Variants in KIT observed in about 807,000 individuals in gnomAD.
KIT encodes the protein mast/stem cell growth factor receptor Kit.
Under a neutral mutation model 105.7 loss-of-function variants are expected in KIT, and 16 were observed. The observed-to-expected ratio is 0.15, with a 90% CI of 0.10 to 0.23. KIT has a LOEUF of 0.23. KIT is among the 10% of genes least tolerant of loss of function. The pLI is 1.00. For missense variants in KIT, 858 were observed against 1,213.8 expected, an observed-to-expected ratio of 0.71 and a Z score of 4.36; for synonymous variants, 438 against 441.1, an observed-to-expected ratio of 0.99 and a Z score of 0.09.
In KIT at chr4:54,725,956, A is replaced by G. The variant is rs755386780; in HGVS notation, c.1446A>G (p.Ala482=). The G allele has an allele frequency of 6.2e-7, 1 of 1,614,186 alleles. No homozygotes were observed. The highest frequency in any genetic ancestry group is 8.5e-7 in the Non-Finnish European group (1 of 1,180,014). Reference sequence around the variant, plus strand: ...TTCAGAGTTCTATAGATTCTAGTGCATTCAAGCACAATGGCACGGTTGAAT... The same window carrying G: ...TTCAGAGTTCTATAGATTCTAGTGCGTTCAAGCACAATGGCACGGTTGAAT... ...LVVQSSIDSS[A]FKHNGTVECK... Residue 482 remains alanine (A), a synonymous_variant, in exon 9 of 21, where the codon GCA becomes GCG. Transcript: ENST00000288135.
chr4:54,709,158 A>C (rs1240989156), intron 6 of KIT, among the ~76,000 whole-genome samples: 2 of 152,010 alleles, frequency 1.3e-5, no homozygotes, highest in Non-Finnish European at 2.9e-5. Flanking sequence ...GCGGTGGGCC[A>C]GTGGAGAGGC....
intron 1 of KIT, among the ~76,000 whole-genome samples, chr4:54,680,450 G>A (rs1002753069): frequency 2.0e-5 from 3 of 147,314 alleles, no homozygotes; most frequent in African/African-American, 7.7e-5. Flanking sequence ...AGAATGCAGT[G>A]GCATGATCTC....
Position 54,734,885 on chromosome 4 carries a change from C to T in KIT, c.2485-1613C>T, listed in dbSNP as rs769390382. Among the ~76,000 whole-genome samples, 10 of 152,012 alleles carry T rather than the reference C, an allele frequency of 6.6e-5. No homozygotes were observed. The East Asian group carries it at 1.3e-3, about 21-fold the overall frequency. On this transcript the variant is annotated intron_variant, in intron 17 of 20. Coordinates refer to ENST00000288135, the MANE Select transcript of KIT (RefSeq NM_000222.3). ...GGAATACCAAGGAAAACAGTTAAAT[C>T]GAAATAGCTATGAAGATACTAAGTA...
At chr4:54,672,992 G>C (rs1207698112) in intron 1 of KIT, among the ~76,000 whole-genome samples, 1 of 152,154 alleles carries the variant, frequency 6.6e-6, no homozygotes, top group Non-Finnish European at 1.5e-5. Flanking sequence ...TTGCCATAAA[G>C]TGGCGTCAAA....
intron 7 of KIT, among the ~76,000 whole-genome samples, chr4:54,718,802 G>T (rs1721661797): frequency 6.6e-6 from 1 of 152,134 alleles, no homozygotes; most frequent in Non-Finnish European, 1.5e-5. Flanking sequence ...TTCTGTTAGT[G>T]TCCATATGCC....
chr4:54,697,090 CTG>C (rs1560394578), intron 2 of KIT, among the ~76,000 whole-genome samples: 1 of 152,182 alleles, frequency 6.6e-6, no homozygotes, highest in African/African-American at 2.4e-5. Context: ...TAAGTAATCT[CTG>C]TTACAGCAAT....
chr4:54,703,633 TTGC>T (rs1720592628), intron 4 of KIT, 88 bp from the exon 5 acceptor site: 4 of 1,037,164 alleles, frequency 3.9e-6, no homozygotes, highest in Admixed American at 2.0e-5. Context: ...GAGAAGTTAA[TTGC>T]TGCTATTTTT....
At chr4:54,670,128 G>A (rs748718161) in intron 1 of KIT, among the ~76,000 whole-genome samples, 3 of 152,100 alleles carry the variant, frequency 2.0e-5, no homozygotes, top group Non-Finnish European at 4.4e-5. Flanking sequence ...TTCACTTTCA[G>A]GACCTTTGGA....
intron 19 of KIT, 122 bp downstream of exon 19, chr4:54,736,942 T>TA: frequency 1.3e-6 from 1 of 777,286 alleles, no homozygotes; most frequent in South Asian, 1.5e-5. Context: ...GGATTCTTTA[T>TA]GACACACTGG....
chr4:54,699,858 A>T (rs1720343326), intron 4 of KIT, 92 bp downstream of exon 4: 1 of 1,382,102 alleles, frequency 7.2e-7, no homozygotes, highest in African/African-American at 1.4e-5. Context: ...AACTGCCTCG[A>T]CTAGTGCGTC....
intron 6 of KIT, among the ~76,000 whole-genome samples, chr4:54,708,577 G>A (rs1720936163): frequency 6.6e-6 from 1 of 152,156 alleles, no homozygotes; most frequent in Admixed American, 6.5e-5. Flanking sequence ...GCAAGTGTTT[G>A]GGGGCATGAA....
chr4:54,708,809 C>T (rs1720956310), intron 6 of KIT, among the ~76,000 whole-genome samples: 1 of 152,082 alleles, frequency 6.6e-6, no homozygotes, highest in South Asian at 2.1e-4. Context: ...CATCGGAGCC[C>T]CTGCCAGTAA....
At chr4:54,708,364 C>T (rs1360312095) in intron 6 of KIT, among the ~76,000 whole-genome samples, 6 of 152,000 alleles carry the variant, frequency 3.9e-5, no homozygotes, top group Admixed American at 2.6e-4. Flanking sequence ...ATAGACTGAC[C>T]AGGGAGTAGG....
chr4:54,681,926 G>A (rs1323502368), intron 1 of KIT, among the ~76,000 whole-genome samples: 1 of 151,812 alleles, frequency 6.6e-6, no homozygotes, highest in Non-Finnish European at 1.5e-5. Context: ...GCAGTGAGCC[G>A]AGATCGTGCC....
At chr4:54,733,307 T>G (rs1047472303) in intron 17 of KIT, 115 bp downstream of exon 17, 6 of 1,217,814 alleles carry the variant, frequency 4.9e-6, no homozygotes, top group Non-Finnish European at 7.2e-6. Context: ...ATATCACACA[T>G]TTTAGCAGTC....
intron 8 of KIT, among the ~76,000 whole-genome samples, chr4:54,725,249 C>T (rs913398515): frequency 6.6e-6 from 1 of 152,016 alleles, no homozygotes. Context: ...GGATTACAGG[C>T]GCCTGCCACC....
In KIT at chr4:54,673,499, T is replaced by A. The variant is rs193042972; in HGVS notation, c.67+15418T>A. Among the ~76,000 whole-genome samples, 4 of 152,360 alleles carry A rather than the reference T, an allele frequency of 2.6e-5. No individual in the cohort carries two copies. In the East Asian group the frequency reaches 5.8e-4, roughly 22 times the overall value. Reference sequence around the variant, plus strand: ...TAGTTCTTTTGCCTCCATTTTTAAATCTTCATTTTCTTCAATCAACTCATT... The same window carrying A: ...TAGTTCTTTTGCCTCCATTTTTAAAACTTCATTTTCTTCAATCAACTCATT... On this transcript the variant is annotated intron_variant, in intron 1 of 20. Coordinates refer to ENST00000288135, the MANE Select transcript of KIT (RefSeq NM_000222.3).
intron 17 of KIT, among the ~76,000 whole-genome samples, chr4:54,735,397 T>C (rs974013836): frequency 6.6e-6 from 1 of 151,336 alleles, no homozygotes; most frequent in African/African-American, 2.4e-5. Context: ...AAAAAAGCTT[T>C]CCCAGTTTTC....
intron 7 of KIT, among the ~76,000 whole-genome samples, chr4:54,721,916 G>A (rs1560413058): frequency 6.6e-6 from 1 of 152,160 alleles, no homozygotes; most frequent in Non-Finnish European, 1.5e-5. Context: ...GGCAAATACA[G>A]TTCACTTCAT....
Sources: gnomAD v4.1 joint callset for allele counts (sites outside exome capture counted in the v4.1 genomes callset) on GRCh38, gnomAD v4.1.1 for gene constraint, MANE v1.5 for transcripts, NCBI Gene and HGNC (gene_info 2026-07-23, HGNC 2026-07-21) for gene names.